The following CATSPERE variants were observed in gnomAD, a reference collection of about 807,000 sequenced individuals.
CATSPERE encodes catsper channel auxiliary subunit epsilon, also known as cation channel sperm-associated auxiliary subunit epsilon.
CATSPERE carries 93 observed loss-of-function variants against 114.1 expected under a neutral mutation model. The observed-to-expected ratio is 0.81, with a 90% CI of 0.69 to 0.97. The LOEUF (loss-of-function observed/expected upper bound fraction) is 0.97, where lower values mean the gene tolerates loss of function less well. Among genes scored for constraint, CATSPERE ranks in the 50% least tolerant of loss-of-function variants. The pLI is 0.00. For missense variants in CATSPERE, 1,058 were observed against 1,131.6 expected (o/e 0.93, Z 0.93); for synonymous variants, 341 against 384.1 (o/e 0.89, Z 1.31).
intron 20 of CATSPERE, among the ~76,000 whole-genome samples, chr1:244,625,406 T>TTATA (rs35736130): frequency 2.1e-3 from 27 of 12,874 alleles, no homozygotes; most frequent in African/African-American, 2.1e-3. Context: ...TTATTATTAT[T>TTATA]TATATATATA....
intron 5 of CATSPERE, among the ~76,000 whole-genome samples, chr1:244,481,344 G>A (rs142230451): frequency 0.08 from 12,209 of 152,026 alleles, 687 homozygotes; most frequent in East Asian, 0.21. Context: ...CCAGCTACTC[G>A]GGAGGCTGAG....
At chr1:244,569,383 T>G (rs1404195800) in intron 10 of CATSPERE, among the ~76,000 whole-genome samples, 2 of 152,226 alleles carry the variant, frequency 1.3e-5, no homozygotes, top group African/African-American at 4.8e-5. Flanking sequence ...TCTCCCATCT[T>G]GCCCACAACT....
intron 20 of CATSPERE, among the ~76,000 whole-genome samples, chr1:244,620,570 A>G (rs1483026962): frequency 6.6e-6 from 1 of 152,218 alleles, no homozygotes; most frequent in Non-Finnish European, 1.5e-5. Flanking sequence ...AACAAGTGAA[A>G]GAACATCATT....
chr1:244,546,416 G>A (rs1380063227), intron 8 of CATSPERE, among the ~76,000 whole-genome samples: 5 of 152,162 alleles, frequency 3.3e-5, no homozygotes, highest in Admixed American at 3.3e-4. Flanking sequence ...AGATATCAAT[G>A]CATGACCAGA....
intron 7 of CATSPERE, among the ~76,000 whole-genome samples, chr1:244,518,181 A>G (rs1407764627): frequency 6.6e-6 from 1 of 152,200 alleles, no homozygotes; most frequent in Non-Finnish European, 1.5e-5. Context: ...TAAAGCCCCC[A>G]GGTATCGTTT....
intron 5 of CATSPERE, among the ~76,000 whole-genome samples, chr1:244,480,638 T>TCACTGAAGACATGA (rs1242741766): frequency 6.6e-6 from 1 of 151,500 alleles, no homozygotes; most frequent in Non-Finnish European, 1.5e-5. Flanking sequence ...GCATGGTTGT[T>TCACTGAAGACATGA]GCTGATAGTT....
chr1:244,490,198 T>C (rs970287981), intron 5 of CATSPERE, among the ~76,000 whole-genome samples: 2 of 152,102 alleles, frequency 1.3e-5, no homozygotes, highest in African/African-American at 4.8e-5. Flanking sequence ...GGTGATGTTA[T>C]TGAGGCAGGA....
At chr1:244,534,863 G>A (rs3005972) in intron 8 of CATSPERE, among the ~76,000 whole-genome samples, 151,210 of 152,312 alleles carry the variant, frequency 0.99, 75,068 homozygotes, top group Middle Eastern at 1. Flanking sequence ...AGAATTAGGT[G>A]TTTATTGTCG....
upstream of CATSPERE, among the ~76,000 whole-genome samples, chr1:244,454,202 T>C (rs1665908846): frequency 6.6e-6 from 1 of 152,092 alleles, no homozygotes; most frequent in African/African-American, 2.4e-5. Context: ...TGTCTCGGGG[T>C]GACTATCTGC....
chr1:244,596,815 C>T (rs1344320671), intron 17 of CATSPERE, among the ~76,000 whole-genome samples: 1 of 150,556 alleles, frequency 6.6e-6, no homozygotes, highest in Non-Finnish European at 1.5e-5. Context: ...TTGTAATAGG[C>T]AGGGCTTGAT....
At chr1:244,604,857 T>C (rs1011638445) in intron 17 of CATSPERE, among the ~76,000 whole-genome samples, 5 of 152,166 alleles carry the variant, frequency 3.3e-5, no homozygotes, top group Admixed American at 2.0e-4. Context: ...GCACTACAGC[T>C]CTTTTGAACA....
intron 19 of CATSPERE, among the ~76,000 whole-genome samples, chr1:244,615,760 T>C (rs958005382): frequency 3.3e-5 from 5 of 151,956 alleles, no homozygotes; most frequent in African/African-American, 9.7e-5. Flanking sequence ...TTTCATGATA[T>C]CCAGGTAAGT....
At chr1:244,605,311 C>T (rs981811745) in intron 17 of CATSPERE, among the ~76,000 whole-genome samples, 3 of 152,184 alleles carry the variant, frequency 2.0e-5, no homozygotes, top group Non-Finnish European at 2.9e-5. Context: ...CCTGCTAACA[C>T]CCATGACAGC....
At chr1:244,566,065 C>G (rs1357066349) in intron 10 of CATSPERE, among the ~76,000 whole-genome samples, 12 of 152,068 alleles carry the variant, frequency 7.9e-5, no homozygotes. Context: ...TTATTTCTGC[C>G]TTAATTTATT....
At chr1:244,627,112 C>T (rs960249868) in intron 20 of CATSPERE, among the ~76,000 whole-genome samples, 1 of 152,106 alleles carries the variant, frequency 6.6e-6, no homozygotes, top group Admixed American at 6.6e-5. Context: ...ATTGGTCTAA[C>T]TTCAATATTG....
intron 17 of CATSPERE, chr1:244,598,759 A>T: frequency 5.8e-6 from 1 of 172,742 alleles, no homozygotes; most frequent in Non-Finnish European, 1.3e-5. Context: ...GCTCTCTGAG[A>T]TCTCCCTGAC....
At position 244,583,849 on chromosome 1, in the gene CATSPERE, A is replaced by T. The variant is rs767871568; in HGVS notation, c.2010-15A>T. On this transcript the variant is annotated splice_polypyrimidine_tract_variant and intron_variant, in intron 12 of 21. Coordinates refer to ENST00000366534, the MANE Select transcript of CATSPERE (RefSeq NM_001130957.2). ...CTCACATGATACAATAACCTGTACGAATTGTTTCTCCTAGAGACAAGCACA... is the reference window on the plus strand; with the variant it reads ...CTCACATGATACAATAACCTGTACGTATTGTTTCTCCTAGAGACAAGCACA... 1.9e-6 allele frequency: 3 copies of T among 1,611,554 alleles called. No individual in the cohort carries two copies. In the African/African-American group the frequency reaches 4.0e-5, roughly 22 times the overall value.
At chr1:244,603,115 G>A (rs899196100) in intron 17 of CATSPERE, among the ~76,000 whole-genome samples, 2 of 152,112 alleles carry the variant, frequency 1.3e-5, no homozygotes, top group African/African-American at 4.8e-5. Flanking sequence ...GGTGATGAGG[G>A]TAGGAGGATA....
chr1:244,460,888 A>AG (rs1666637571), upstream of CATSPERE, among the ~76,000 whole-genome samples: 1 of 152,262 alleles, frequency 6.6e-6, no homozygotes, highest in Non-Finnish European at 1.5e-5. Context: ...ACTGCACTCC[A>AG]GCCTGGGGGA....
Sources: allele counts gnomAD v4.1 joint callset (sites outside exome capture counted in the v4.1 genomes callset), GRCh38; gene constraint gnomAD v4.1.1; transcripts MANE v1.5; gene names NCBI Gene and HGNC (gene_info 2026-07-23, HGNC 2026-07-21).